The following ARHGAP25 variants were observed in gnomAD, a reference collection of about 807,000 sequenced individuals.
The protein encoded by ARHGAP25 is Rho GTPase activating protein 25, also known as rho GTPase-activating protein 25.
In ARHGAP25, 34 loss-of-function variants were observed where a neutral mutation model predicts 71.0. The observed-to-expected ratio is 0.48, with a 90% confidence interval of 0.36 to 0.64. The LOEUF (loss-of-function observed/expected upper bound fraction) is 0.64. ARHGAP25 is among the 30% of genes least tolerant of loss of function. The pLI is 0.00. For missense variants in ARHGAP25, 706 were observed against 805.1 expected (o/e 0.88, Z 1.49); for synonymous variants, 282 against 296.5 (o/e 0.95, Z 0.50).
rs192530250 is a variant in ARHGAP25 at position 68,803,682 on chromosome 2, G to T, written c.467-3591G>T. On this transcript the variant is annotated intron_variant, in intron 4 of 10. Transcript: ENST00000409202. ...AGAGATGGAAGGAATGGAACCCACA[G>T]TTCAAGAAGGCATCATCCTAGATGA... 1.3e-3 allele frequency among the ~76,000 whole-genome samples: 196 copies of T among 152,096 alleles called. 1 individual carries two copies. The highest frequency in any genetic ancestry group is 3.5e-4 in the Non-Finnish European group (24 of 67,992).
chr2:68,817,145 C>T (rs979985249), intron 7 of ARHGAP25, among the ~76,000 whole-genome samples: 1 of 151,956 alleles, frequency 6.6e-6, no homozygotes, highest in African/African-American at 2.4e-5. Context: ...ATGAGCATTT[C>T]CCTATGTCAT....
At position 68,825,926 on chromosome 2, in the gene ARHGAP25, G is replaced by A. The variant is rs572261055; in HGVS notation, c.1734-61G>A. The A allele has an allele frequency of 4.2e-6, 6 of 1,438,506 alleles. No individual in the cohort carries two copies. The Admixed American group carries it at 1.2e-4, about 28-fold the overall frequency. 89.1% of individuals were successfully genotyped at this position (1,438,506 alleles called of 1,614,324 possible). On this transcript the variant is annotated intron_variant, in intron 10 of 10. Coordinates refer to ENST00000409202, the MANE Select transcript of ARHGAP25 (RefSeq NM_001007231.3). Reference sequence around the variant, plus strand: ...AATGAGCAGCAGGTTGTGAGCAAGGGGGAAGGAAGAGTCTAGAATGAATGC... The same window carrying A: ...AATGAGCAGCAGGTTGTGAGCAAGGAGGAAGGAAGAGTCTAGAATGAATGC...
chr2:68,819,686 G>A (rs570596241), intron 9 of ARHGAP25: 38 of 540,660 alleles, frequency 7.0e-5, no homozygotes, highest in South Asian at 5.7e-4. Context: ...CTGGGTGAAC[G>A]TCCAGAGAAA....
intron 5 of ARHGAP25, among the ~76,000 whole-genome samples, chr2:68,812,729 C>A (rs892288144): frequency 1.8e-4 from 28 of 152,158 alleles, no homozygotes; most frequent in Non-Finnish European, 3.5e-4. Context: ...GATTGGATGG[C>A]TACTGATGTC....
chr2:68,752,624 A>G (rs573881562), intron 1 of ARHGAP25, among the ~76,000 whole-genome samples: 108 of 152,224 alleles, frequency 7.1e-4, no homozygotes, highest in African/African-American at 2.6e-3. Flanking sequence ...AGCTGTGTCT[A>G]TTTCATTTCT....
chr2:68,713,585 G>A (rs13421036), intron 2 of ARHGAP25, among the ~76,000 whole-genome samples: 1,597 of 152,296 alleles, frequency 0.01, 34 homozygotes, highest in African/African-American at 0.036. Context: ...GGTTTTCAAA[G>A]GGAATGCTTC....
intron 1 of ARHGAP25, among the ~76,000 whole-genome samples, chr2:68,768,932 A>C (rs1677301080): frequency 6.6e-6 from 1 of 152,098 alleles, no homozygotes; most frequent in African/African-American, 2.4e-5. Context: ...TCATATCCTC[A>C]GGACCCAAAA....
intron 4 of ARHGAP25, among the ~76,000 whole-genome samples, chr2:68,796,528 G>A (rs1233906472): frequency 2.6e-5 from 4 of 152,188 alleles, no homozygotes; most frequent in Non-Finnish European, 5.9e-5. Context: ...ATGTGACTAT[G>A]ATGTTGGTTG....
chr2:68,759,974 A>G (rs1676701523), intron 1 of ARHGAP25, among the ~76,000 whole-genome samples: 1 of 152,066 alleles, frequency 6.6e-6, no homozygotes. Context: ...ACTGCACAAT[A>G]AAAGATTATA....
intron 4 of ARHGAP25, among the ~76,000 whole-genome samples, chr2:68,793,632 G>C (rs1056821261): frequency 2.0e-5 from 3 of 152,040 alleles, no homozygotes; most frequent in Admixed American, 2.0e-4. Context: ...CCATTGATCT[G>C]TGTGTCTGTT....
chr2:68,807,689 C>T (rs942357318), intron 5 of ARHGAP25, among the ~76,000 whole-genome samples: 1 of 152,104 alleles, frequency 6.6e-6, no homozygotes, highest in Admixed American at 6.5e-5. Context: ...GTTTATGTGA[C>T]AGATGATGTG....
intron 1 of ARHGAP25, among the ~76,000 whole-genome samples, chr2:68,759,008 T>C (rs1392709404): frequency 1.3e-5 from 2 of 151,598 alleles, no homozygotes; most frequent in Non-Finnish European, 3.0e-5. Flanking sequence ...AAACAAACAA[T>C]AGATCAAGGA....
intron 2 of ARHGAP25, 40 bp downstream of exon 2, chr2:68,775,460 G>C: frequency 6.2e-7 from 1 of 1,613,052 alleles, no homozygotes; most frequent in Non-Finnish European, 8.5e-7. Context: ...AAGGCACGGA[G>C]GAGGCGGGCC....
rs1325996007 is a variant in ARHGAP25, at chr2:68,782,265, G to T, written c.294G>T (p.Lys98Asn). ...GCMYLPGCTI[K>N]EIATNPEEAG... ...TGTATCTACCAGGATGTACAATCAA[G>T]GAGATCGCCACAAACCCAGAAGAAG... The change falls in exon 3 of 11, where the codon AAG becomes AAT. Residue 98 changes from lysine (K) to asparagine (N), a missense_variant. Transcript: ENST00000409202. 12 of 1,614,088 alleles carry T rather than the reference G, an allele frequency of 7.4e-6. No homozygotes were observed. The highest frequency in any genetic ancestry group is 8.5e-6 in the Non-Finnish European group (10 of 1,179,996).
At chr2:68,736,635 A>G (rs893803164) in intron 1 of ARHGAP25, among the ~76,000 whole-genome samples, 16 of 152,234 alleles carry the variant, frequency 1.1e-4, no homozygotes, top group African/African-American at 3.4e-4. Flanking sequence ...ATAGGAAATT[A>G]CCACACTAGA....
intron 4 of ARHGAP25, among the ~76,000 whole-genome samples, chr2:68,800,560 G>A (rs1679892808): frequency 6.6e-6 from 1 of 152,102 alleles, no homozygotes; most frequent in South Asian, 2.1e-4. Context: ...GCTGGCATGG[G>A]CTGGCATGGT....
chr2:68,761,528 T>G (rs1676818342), intron 1 of ARHGAP25, among the ~76,000 whole-genome samples: 1 of 100,952 alleles, frequency 9.9e-6, no homozygotes, highest in East Asian at 2.3e-4. Flanking sequence ...GCTCCTAAAC[T>G]CTACAAAAAA....
chr2:68,781,317 G>A (rs1161514225), intron 2 of ARHGAP25, among the ~76,000 whole-genome samples: 1 of 152,188 alleles, frequency 6.6e-6, no homozygotes, highest in African/African-American at 2.4e-5. Flanking sequence ...TTGAACCCAG[G>A]AGGCAGAGGT....
chr2:68,802,190 C>T (rs942494509), intron 4 of ARHGAP25, among the ~76,000 whole-genome samples: 16 of 152,180 alleles, frequency 1.1e-4, no homozygotes, highest in Non-Finnish European at 1.5e-4. Context: ...GGGCAGATCA[C>T]GAGGTCAGGA....
Sources: gnomAD v4.1 joint callset for allele counts (sites outside exome capture counted in the v4.1 genomes callset) on GRCh38, gnomAD v4.1.1 for gene constraint, MANE v1.5 for transcripts, NCBI Gene and HGNC (gene_info 2026-07-23, HGNC 2026-07-21) for gene names.